The following DNAJC11 variants were observed in gnomAD, a reference collection of about 807,000 sequenced individuals.
DNAJC11 encodes the protein DnaJ heat shock protein family (Hsp40) member C11, also known as dnaJ homolog subfamily C member 11.
DNAJC11 carries 15 observed loss-of-function variants against 78.6 expected under a neutral mutation model. That is an observed-to-expected ratio of 0.19 (90% confidence interval 0.13 to 0.29). The LOEUF (loss-of-function observed/expected upper bound fraction) is 0.29. Among genes scored for constraint, DNAJC11 ranks in the 10% least tolerant of loss-of-function variants. The pLI is 1.00. For synonymous variants in DNAJC11, 292 were observed against 272.1 expected, an observed-to-expected ratio of 1.07 and a Z score of -0.72; for missense variants, 547 against 709.6, an observed-to-expected ratio of 0.77 and a Z score of 2.60.
intron 3 of DNAJC11, among the ~76,000 whole-genome samples, chr1:6,671,934 A>T (rs1255092288): frequency 1.3e-5 from 2 of 152,128 alleles, no homozygotes; most frequent in African/African-American, 4.8e-5. Context: ...TCCAGGGTTC[A>T]AGCAATTCTC....
chr1:6,686,735 C>T (rs1287198472), intron 1 of DNAJC11, among the ~76,000 whole-genome samples: 1 of 152,204 alleles, frequency 6.6e-6, no homozygotes, highest in Non-Finnish European at 1.5e-5. Context: ...TTATACCTAC[C>T]ATGATGATGA....
intron 3 of DNAJC11, among the ~76,000 whole-genome samples, chr1:6,678,179 C>G (rs1642501572): frequency 6.6e-6 from 1 of 152,182 alleles, no homozygotes; most frequent in East Asian, 1.9e-4. Flanking sequence ...GAACGAAGGA[C>G]AAGTCAGATG....
At chr1:6,638,095 G>A (rs1641815122) in intron 12 of DNAJC11, 200 bp downstream of exon 12, 2 of 489,568 alleles carry the variant, frequency 4.1e-6, no homozygotes, top group Non-Finnish European at 7.2e-6. Flanking sequence ...CTTTAAAAAA[G>A]CCCTTGTTAG....
In DNAJC11 at chr1:6,636,189, G is replaced by A; in HGVS notation, c.1582C>T (p.Leu528Phe). 2 of 1,614,158 alleles carry A rather than the reference G, an allele frequency of 1.2e-6. No homozygotes were observed. Among genetic ancestry groups the A allele is most frequent in the Non-Finnish European group, 1.7e-6 (2 of 1,180,044 alleles). Residue 528 changes from leucine (L) to phenylalanine (F), a missense_variant, in exon 15 of 16, where the codon CTC (leucine) becomes TTC (phenylalanine). Transcript: ENST00000377577. ...CVGEEKNLKV[L>F]YQFRGVLHQV... is the part of the protein sequence containing the mutation. The stretch of plus-strand genomic sequence containing the variant: ...TGCAGGACGCCCCGGAACTGATAGA[G>A]CACTTTCAGGTTCTTCTCTTCCCCC...
chr1:6,655,568 A>T lies in DNAJC11; in HGVS notation c.379-1529T>A, dbSNP rs550539400. On this transcript the variant is annotated intron_variant, in intron 4 of 15. Transcript: ENST00000377577. ...CCAGGTGTGGTGGCTAATACCCGTAATCCCAACACTTTGGGAGGCTGAGGG... is the reference window on the plus strand; with the variant it reads ...CCAGGTGTGGTGGCTAATACCCGTATTCCCAACACTTTGGGAGGCTGAGGG... 2.0e-5 allele frequency among the ~76,000 whole-genome samples: 3 copies of T among 152,342 alleles called. No homozygotes were observed. The South Asian group carries it at 6.2e-4, about 32-fold the overall frequency.
chr1:6,678,577 C>A (rs997345611), intron 2 of DNAJC11, 110 bp from the exon 3 acceptor site: 6 of 832,098 alleles, frequency 7.2e-6, no homozygotes, highest in Non-Finnish European at 1.1e-5. Context: ...CCTGTCTGAT[C>A]ACAATCTTCC....
At chr1:6,640,128 G>T in intron 10 of DNAJC11, 71 bp from the exon 11 acceptor site, 2 of 1,477,398 alleles carry the variant, frequency 1.4e-6, no homozygotes, top group Non-Finnish European at 1.8e-6. Flanking sequence ...GGGCAATGGG[G>T]TGTCAGGCAC....
intron 1 of DNAJC11, among the ~76,000 whole-genome samples, chr1:6,701,518 G>C (rs1642928228): frequency 6.6e-6 from 1 of 152,104 alleles, no homozygotes; most frequent in Admixed American, 6.5e-5. Flanking sequence ...CAGGAGCTGG[G>C]GCGGAGGCTG....
chr1:6,636,375 G>T, intron 14 of DNAJC11, 129 bp from the exon 15 acceptor site: 1 of 1,341,822 alleles, frequency 7.5e-7, no homozygotes, highest in Non-Finnish European at 1.0e-6. Flanking sequence ...TTTGGGGCAT[G>T]AAGAAAAAGA....
intron 1 of DNAJC11, among the ~76,000 whole-genome samples, chr1:6,694,446 C>G (rs111552673): frequency 6.6e-6 from 1 of 152,118 alleles, no homozygotes; most frequent in South Asian, 2.1e-4. Flanking sequence ...TCCTCCTATA[C>G]CTTATAAAAG....
intron 10 of DNAJC11, among the ~76,000 whole-genome samples, chr1:6,644,132 T>C (rs933225623): frequency 1.3e-5 from 2 of 151,538 alleles, no homozygotes; most frequent in Non-Finnish European, 2.9e-5. Flanking sequence ...GGCTGAATTT[T>C]TTTTTTTATA....
At chr1:6,643,507 C>T (rs555491473) in intron 10 of DNAJC11, among the ~76,000 whole-genome samples, 51 of 152,122 alleles carry the variant, frequency 3.4e-4, no homozygotes, top group African/African-American at 1.1e-3. Flanking sequence ...AATCTCCTGA[C>T]CTCGTGATCT....
At position 6,645,511 on chromosome 1, in the gene DNAJC11, C is replaced by G. The variant is rs2076365; in HGVS notation, c.894+278G>C. Among the ~76,000 whole-genome samples the G allele has an allele frequency of 0.3, 45,734 of 152,090 alleles. 7,406 individuals carry two copies. Among genetic ancestry groups the G allele is most frequent in the South Asian group, 0.47 (2,264 of 4,814 alleles). ...GCTATGGGGCTTCATCTGCCCGCCC[C>G]CAATTCCGTGGGTGGCTCCCACCAG... On this transcript the variant is annotated intron_variant, in intron 8 of 15. Coordinates refer to ENST00000377577, the MANE Select transcript of DNAJC11 (RefSeq NM_018198.4). The surrounding 1 kb of genome is among the most constrained non-coding windows in gnomAD (Gnocchi z 4.1).
At chr1:6,670,685 G>C (rs994319159) in intron 3 of DNAJC11, 1 of 152,130 alleles carries the variant, frequency 6.6e-6, no homozygotes, top group Non-Finnish European at 1.5e-5. Flanking sequence ...ACAAACTAAA[G>C]GTCCTAAGTG....
Position 6,671,699 on chromosome 1 carries a change from T to A in DNAJC11, c.277-3889A>T, listed in dbSNP as rs568156620. Among the ~76,000 whole-genome samples the A allele has an allele frequency of 2.0e-5, 3 of 149,264 alleles. No individual in the cohort carries two copies. The South Asian group carries it at 6.3e-4, about 31-fold the overall frequency. On this transcript the variant is annotated intron_variant, in intron 3 of 15. Coordinates refer to ENST00000377577, the MANE Select transcript of DNAJC11 (RefSeq NM_018198.4). Reference sequence around the variant, plus strand: ...GGCATCCGCCACCACGCCCGGCTAATTTTTTTGTATTTTTAGTACAGACTG... The same window carrying A: ...GGCATCCGCCACCACGCCCGGCTAAATTTTTTGTATTTTTAGTACAGACTG...
chr1:6,642,529 G>A (rs1641893457), intron 10 of DNAJC11, among the ~76,000 whole-genome samples: 1 of 152,134 alleles, frequency 6.6e-6, no homozygotes, highest in South Asian at 2.1e-4. Flanking sequence ...TAGAAGGCCA[G>A]AGCTCTCATT....
chr1:6,643,277 ATTTTTT>A (rs60341247), intron 10 of DNAJC11, among the ~76,000 whole-genome samples: 1 of 138,228 alleles, frequency 7.2e-6, no homozygotes, highest in Admixed American at 7.3e-5. Flanking sequence ...GAAAACAGAC[ATTTTTT>A]TTTTTTTTTT....
chr1:6,665,917 C>G (rs1642287154), intron 4 of DNAJC11, among the ~76,000 whole-genome samples: 1 of 152,204 alleles, frequency 6.6e-6, no homozygotes, highest in African/African-American at 2.4e-5. Context: ...CCTCCGGGCA[C>G]CTGGCTGGGA....
chr1:6,679,948 C>T (rs1010415759), intron 2 of DNAJC11, among the ~76,000 whole-genome samples: 1 of 152,198 alleles, frequency 6.6e-6, no homozygotes, highest in African/African-American at 2.4e-5. Flanking sequence ...TGACACTACA[C>T]CGACTGTACA....
Sources: allele counts gnomAD v4.1 joint callset (sites outside exome capture counted in the v4.1 genomes callset), GRCh38; gene constraint gnomAD v4.1.1; non-coding constraint Gnocchi (gnomAD v3.1); transcripts MANE v1.5; gene names NCBI Gene and HGNC (gene_info 2026-07-23, HGNC 2026-07-21).